Variants in FANCA observed in about 807,000 individuals in gnomAD.
FANCA encodes the protein Fanconi anemia group A protein.
Under a neutral mutation model 194.3 loss-of-function variants are expected in FANCA, and 236 were observed. The observed-to-expected ratio is 1.21, with a 90% confidence interval of 1.09 to 1.35. The LOEUF (loss-of-function observed/expected upper bound fraction) is 1.35, where lower values mean the gene tolerates loss of function less well. Ranked by LOEUF, FANCA falls within the 40% of genes most tolerant of loss-of-function variation. The pLI is 0.00. For missense variants in FANCA, 2,628 were observed against 1,813.9 expected, an observed-to-expected ratio of 1.45 and a Z score of -8.15; for synonymous variants, 1,014 against 715.8, an observed-to-expected ratio of 1.42 and a Z score of -6.65.
At chr16:89,762,706 C>G (rs1041259651) in intron 28 of FANCA, 5 of 440,648 alleles carry the variant, frequency 1.1e-5, no homozygotes, top group South Asian at 8.0e-5. Flanking sequence ...AATCGTAGCT[C>G]GCTGCAGACT....
At chr16:89,780,019 G>A (rs1040533756) in intron 17 of FANCA, 62 bp from the exon 18 acceptor site, 1 of 1,425,822 alleles carries the variant, frequency 7.0e-7, no homozygotes, top group Non-Finnish European at 9.9e-7. Context: ...AGACTGAGCA[G>A]TGAAGGCCAC....
chr16:89,760,177 C>A (rs1481568175), intron 29 of FANCA, among the ~76,000 whole-genome samples: 1 of 152,244 alleles, frequency 6.6e-6, no homozygotes, highest in Non-Finnish European at 1.5e-5. Context: ...GCAGACAAGC[C>A]CCTCCCTCTG....
rs751511879 is a variant in FANCA at position 89,778,884 on chromosome 16, C to A, written c.1777-34G>T. The A allele has an allele frequency of 6.8e-6, 11 of 1,613,766 alleles. No individual in the cohort carries two copies. The East Asian group carries it at 1.8e-4, about 26-fold the overall frequency. On this transcript the variant is annotated intron_variant, in intron 19 of 42. Coordinates refer to ENST00000389301, the MANE Select transcript of FANCA (RefSeq NM_000135.4). Reference sequence around the variant, plus strand: ...AGAGAAGAGACCTGTGAGAGACTGACAAGGAAAGTCCTTGCTTTCTACACA... The same window carrying A: ...AGAGAAGAGACCTGTGAGAGACTGAAAAGGAAAGTCCTTGCTTTCTACACA...
chr16:89,765,529 C>A (rs991717672), intron 27 of FANCA, among the ~76,000 whole-genome samples: 1 of 152,274 alleles, frequency 6.6e-6, no homozygotes, highest in Non-Finnish European at 1.5e-5. Flanking sequence ...AGCAGAATTG[C>A]AGGAACAAAA....
chr16:89,756,140 G>A (rs371919309), intron 30 of FANCA, among the ~76,000 whole-genome samples: 9 of 152,232 alleles, frequency 5.9e-5, no homozygotes, highest in African/African-American at 1.4e-4. Context: ...TATGTGGCTC[G>A]TTGTTAACCA....
chr16:89,764,788 G>A (rs766911951), intron 28 of FANCA, 102 bp downstream of exon 28: 1 of 1,351,982 alleles, frequency 7.4e-7, no homozygotes, highest in South Asian at 1.2e-5. Flanking sequence ...ATGATGCAGG[G>A]GAAGGAACGG....
At position 89,782,898 on chromosome 16, in the gene FANCA, T is replaced by A. The variant is rs1300063021; in HGVS notation, c.1587A>T (p.Gly529=). 1 of 1,613,956 alleles carries A rather than the reference T, an allele frequency of 6.2e-7. No homozygotes were observed. Among genetic ancestry groups the A allele is most frequent in the East Asian group, 2.2e-5 (1 of 44,876 alleles). Residue 529 remains glycine, a synonymous_variant, in exon 17 of 43, where the codon GGA becomes GGT. Coordinates refer to ENST00000389301, the MANE Select transcript of FANCA (RefSeq NM_000135.4). Reference sequence around the variant, plus strand: ...CAGCTGATGACAAATCCTCGTAGAGTCCCATGTTTTCTATAGAAACCTTCA... The same window carrying A: ...CAGCTGATGACAAATCCTCGTAGAGACCCATGTTTTCTATAGAAACCTTCA... The part of the protein sequence containing the change: ...ADLKVSIENM[G]LYEDLSSAGD...
At chr16:89,805,232 G>A (rs2040594478) in intron 7 of FANCA, 48 bp downstream of exon 7, 1 of 1,437,758 alleles carries the variant, frequency 7.0e-7, no homozygotes, top group Non-Finnish European at 9.8e-7. Context: ...CATTATCACA[G>A]ATCAAAATGA....
intron 37 of FANCA, among the ~76,000 whole-genome samples, chr16:89,741,896 AT>A (rs962289710): frequency 2.0e-5 from 3 of 152,166 alleles, no homozygotes; most frequent in African/African-American, 7.2e-5. Context: ...GAGGATAAAA[AT>A]AAGCTGAAGA....
At chr16:89,783,222 CA>C in intron 15 of FANCA, 120 bp from the exon 16 acceptor site, 1 of 760,496 alleles carries the variant, frequency 1.3e-6, no homozygotes, top group Non-Finnish European at 2.3e-6. Flanking sequence ...CCTTTACAGT[CA>C]GACTTATGAG....
In FANCA at chr16:89,738,295, CTG is replaced by C. The variant is rs1567589796; in HGVS notation, c.*304_*305del. 1 of 1,539,186 alleles carries C rather than the reference CTG, an allele frequency of 6.5e-7. No homozygotes were observed. Among genetic ancestry groups the C allele is most frequent in the South Asian group, 1.2e-5 (1 of 83,892 alleles). On this transcript the variant is annotated 3_prime_UTR_variant, in exon 43 of 43. Transcript: ENST00000389301. ...TCTAGCAGCCTGGACTCCGCAGTGG[CTG>C]TGTCAGCCTCACCCTTCGTGTGCAC...
In FANCA at chr16:89,739,189, C is replaced by A. The variant is rs757592625; in HGVS notation, c.4111G>T (p.Gly1371Trp). 6.2e-7 allele frequency: 1 copy of A among 1,614,042 alleles called. No individual in the cohort carries two copies. Among genetic ancestry groups the A allele is most frequent in the African/African-American group, 1.3e-5 (1 of 74,930 alleles). ...YLKLVQLFVA[G>W]DTSTVSPPAG... is the part of the protein sequence containing the mutation. ...GGAGGTGAAACTGTGCTTGTATCCC[C>A]AGCCACGAAGAGCTGGACCAGCTTC... The change falls in exon 41 of 43, where the codon GGG becomes TGG. Residue 1371 changes from glycine (G) to tryptophan (W), a missense_variant. Physicochemically the swap from Gly to Trp is radical, Grantham distance 184 (BLOSUM62 -2). Coordinates refer to ENST00000389301, the MANE Select transcript of FANCA (RefSeq NM_000135.4).
At chr16:89,776,606 T>C (rs1293942100) in intron 20 of FANCA, among the ~76,000 whole-genome samples, 1 of 151,970 alleles carries the variant, frequency 6.6e-6, no homozygotes, top group African/African-American at 2.4e-5. Flanking sequence ...GGCAGGCAGA[T>C]CAGGAGGTCA....
chr16:89,801,192 A>G (rs1263984063), intron 8 of FANCA, among the ~76,000 whole-genome samples: 1 of 151,514 alleles, frequency 6.6e-6, no homozygotes, highest in Non-Finnish European at 1.5e-5. Flanking sequence ...AAAAATAGAA[A>G]AACTAGCCGG....
Position 89,799,165 on chromosome 16 carries a change from C to A in FANCA, c.893+1G>T, listed in dbSNP as rs2040352832. 1.9e-6 allele frequency: 3 copies of A among 1,614,208 alleles called. No individual in the cohort carries two copies. Among genetic ancestry groups the A allele is most frequent in the Non-Finnish European group, 2.5e-6 (3 of 1,180,048 alleles). ...CAGGCAGGCCACCCTCAGGAACATA[C>A]CAGCACCTCACGATCTTGTGAGTGG... is the stretch of plus-strand genomic sequence containing the variant. On this transcript the variant is annotated splice_donor_variant, in intron 10 of 42. Transcript: ENST00000389301. LOFTEE classifies it high-confidence loss of function.
At position 89,752,265 on chromosome 16, in the gene FANCA, T is replaced by C. The variant is rs750191011; in HGVS notation, c.2982-43A>G. 9 of 1,532,974 alleles carry C rather than the reference T, an allele frequency of 5.9e-6. No homozygotes were observed. The African/African-American group carries it at 1.1e-4, about 19-fold the overall frequency. 95.0% of individuals were successfully genotyped at this position (1,532,974 alleles called of 1,614,324 possible). On this transcript the variant is annotated intron_variant, in intron 30 of 42. Coordinates refer to ENST00000389301, the MANE Select transcript of FANCA (RefSeq NM_000135.4). Reference sequence around the variant, plus strand: ...TAAAATCCTCCTCAGTATCGCCTAATAGTGCTGAAGTTCCCAGTTCTCCTC... The same window carrying C: ...TAAAATCCTCCTCAGTATCGCCTAACAGTGCTGAAGTTCCCAGTTCTCCTC...
chr16:89,748,651 G>C lies in FANCA; in HGVS notation c.3348+8C>G, dbSNP rs571631071. On this transcript the variant is annotated splice_region_variant and intron_variant, in intron 33 of 42. Coordinates refer to ENST00000389301, the MANE Select transcript of FANCA (RefSeq NM_000135.4). Reference sequence around the variant, plus strand: ...GATCGGACGGACACGTGCACACGGGGCACCTACCATCTCAGAGTTGACCAA... The same window carrying C: ...GATCGGACGGACACGTGCACACGGGCCACCTACCATCTCAGAGTTGACCAA... 6.2e-7 allele frequency: 1 copy of C among 1,607,818 alleles called. No homozygotes were observed. Among genetic ancestry groups the C allele is most frequent in the Non-Finnish European group, 8.5e-7 (1 of 1,174,396 alleles).
chr16:89,789,860 A>T (rs1489899776), intron 14 of FANCA, among the ~76,000 whole-genome samples: 1 of 152,082 alleles, frequency 6.6e-6, no homozygotes, highest in Non-Finnish European at 1.5e-5. Context: ...TCCCCACATG[A>T]ACTGGGGGTT....
intron 3 of FANCA, among the ~76,000 whole-genome samples, chr16:89,814,203 C>A (rs1327894509): frequency 2.0e-5 from 3 of 152,198 alleles, no homozygotes; most frequent in African/African-American, 7.2e-5. Context: ...CTCTCCTGGG[C>A]ACACCACAGC....
Sources: gnomAD v4.1 joint callset for allele counts (sites outside exome capture counted in the v4.1 genomes callset) on GRCh38, gnomAD v4.1.1 for gene constraint, MANE v1.5 for transcripts, NCBI Gene and HGNC (gene_info 2026-07-23, HGNC 2026-07-21) for gene names.